Variants in CYP20A1 observed in about 807,000 individuals in gnomAD.
The protein encoded by CYP20A1 is cytochrome P450 20A1.
CYP20A1 carries 61 observed loss-of-function variants against 61.4 expected under a neutral mutation model. The ratio of observed to expected loss-of-function variants is 0.99; its 90% CI spans 0.81 to 1.23. The LOEUF (loss-of-function observed/expected upper bound fraction) is 1.23, where lower values mean the gene tolerates loss of function less well. Among genes scored for constraint, CYP20A1 ranks in the 50% most tolerant of loss-of-function variants. The probability of loss-of-function intolerance (pLI) is 0.00; values close to 1 mark genes in which losing one functional copy is unlikely to be tolerated. For synonymous variants in CYP20A1, 193 were observed against 188.2 expected (o/e 1.03, Z -0.21); for missense variants, 530 against 542.4 (o/e 0.98, Z 0.23).
chr2:203,279,501 G>A (rs896347237), intron 7 of CYP20A1, among the ~76,000 whole-genome samples: 2 of 152,146 alleles, frequency 1.3e-5, no homozygotes, highest in Admixed American at 1.3e-4. Flanking sequence ...TGCATTTGTG[G>A]TATTGTCAGG....
rs577544692 is a variant in CYP20A1, at chr2:203,298,582, T to C, written c.*1674T>C. On this transcript the variant is annotated 3_prime_UTR_variant, in exon 13 of 13. Transcript: ENST00000356079. ...CAGATGTGGTGGTGCACATTTGTAA[T>C]CCCAGCTACTCAGGAGGCTGAGGCA... is the stretch of plus-strand genomic sequence containing the variant. 7.0e-6 allele frequency among the ~76,000 whole-genome samples: 1 copy of C among 141,910 alleles called. No homozygotes were observed. Among genetic ancestry groups the C allele is most frequent in the African/African-American group, 2.6e-5 (1 of 37,790 alleles). The allele number at this position is 141,910 out of a possible 152,430, so 93.1% of individuals were successfully genotyped here. A position where few individuals can be genotyped will look rare whatever the true frequency, so the allele number is the denominator to read the frequency against.
intron 9 of CYP20A1, among the ~76,000 whole-genome samples, chr2:203,289,456 G>A (rs2068438422): frequency 6.6e-6 from 1 of 151,758 alleles, no homozygotes; most frequent in Non-Finnish European, 1.5e-5. Context: ...AAAAATTGTA[G>A]AAACATTATT....
chr2:203,279,608 A>G (rs1371108838), intron 7 of CYP20A1, among the ~76,000 whole-genome samples: 2 of 152,158 alleles, frequency 1.3e-5, no homozygotes, highest in African/African-American at 2.4e-5. Context: ...GTAGTTTGAT[A>G]TATGTTGGTG....
At chr2:203,293,601 G>T (rs1420230560) in intron 11 of CYP20A1, among the ~76,000 whole-genome samples, 1 of 149,974 alleles carries the variant, frequency 6.7e-6, no homozygotes, top group African/African-American at 2.5e-5. Flanking sequence ...TAGGTTTTTG[G>T]GGAACAGGTG....
intron 9 of CYP20A1, 41 bp from the exon 10 acceptor site, chr2:203,289,724 T>C (rs1331694511): frequency 2.6e-6 from 3 of 1,135,118 alleles, no homozygotes; most frequent in Non-Finnish European, 3.8e-6. Context: ...TCTAACTGCC[T>C]CCCAAAATAA....
chr2:203,284,455 T>C (rs992186768), intron 8 of CYP20A1, among the ~76,000 whole-genome samples: 15 of 152,192 alleles, frequency 9.9e-5, no homozygotes, highest in Non-Finnish European at 1.6e-4. Flanking sequence ...TCTGTTTTTT[T>C]CTCAACATGT....
chr2:203,254,854 G>A (rs2066836264), intron 4 of CYP20A1, among the ~76,000 whole-genome samples: 1 of 151,976 alleles, frequency 6.6e-6, no homozygotes, highest in Non-Finnish European at 1.5e-5. Context: ...AGCCGGGCGT[G>A]GTGGCACGTG....
intron 4 of CYP20A1, among the ~76,000 whole-genome samples, chr2:203,264,751 A>G (rs1279317722): frequency 6.6e-6 from 1 of 151,922 alleles, no homozygotes; most frequent in African/African-American, 2.4e-5. Context: ...CGTTTTTTAG[A>G]CGGAGTCTCA....
chr2:203,266,490 T>C (rs1428156368), intron 4 of CYP20A1, 24 bp from the exon 5 acceptor site: 18 of 1,599,454 alleles, frequency 1.1e-5, no homozygotes, highest in Middle Eastern at 1.7e-4. Flanking sequence ...ACAGTAATCA[T>C]TGTGCTTTTC....
In CYP20A1 at chr2:203,298,655, C is replaced by T. The variant is rs556336725; in HGVS notation, c.*1747C>T. On this transcript the variant is annotated 3_prime_UTR_variant, in exon 13 of 13. Coordinates refer to ENST00000356079, the MANE Select transcript of CYP20A1 (RefSeq NM_177538.3). ...GGCAGAGGTTGCAGTGAGCCAAGATCGCACCACTGCACTCCAGCCTGGGTG... is the reference window on the plus strand; with the variant it reads ...GGCAGAGGTTGCAGTGAGCCAAGATTGCACCACTGCACTCCAGCCTGGGTG... Among the ~76,000 whole-genome samples, 449 of 133,242 alleles carry T rather than the reference C, an allele frequency of 3.4e-3. 2 individuals carry two copies. Among genetic ancestry groups the T allele is most frequent in the Non-Finnish European group, 6.3e-3 (389 of 62,086 alleles). 87.4% of individuals were successfully genotyped at this position (133,242 alleles called of 152,430 possible). A position where few individuals can be genotyped will look rare whatever the true frequency, so the allele number is the denominator to read the frequency against.
chr2:203,260,351 T>C (rs950722284), intron 4 of CYP20A1, among the ~76,000 whole-genome samples: 2 of 151,856 alleles, frequency 1.3e-5, no homozygotes, highest in African/African-American at 4.8e-5. Context: ...GCCTCCCAAG[T>C]AGCTGGAAGT....
chr2:203,241,805 C>T (rs2066263778), intron 1 of CYP20A1, among the ~76,000 whole-genome samples: 2 of 152,184 alleles, frequency 1.3e-5, no homozygotes, highest in African/African-American at 4.8e-5. Context: ...GCTGGGACTA[C>T]ATGCTCATGC....
chr2:203,293,707 C>T (rs943585954), intron 11 of CYP20A1, among the ~76,000 whole-genome samples: 1 of 151,880 alleles, frequency 6.6e-6, no homozygotes, highest in African/African-American at 2.4e-5. Flanking sequence ...CCTCATCGCC[C>T]CACCGTTTCC....
intron 3 of CYP20A1, among the ~76,000 whole-genome samples, chr2:203,248,587 G>A (rs541969051): frequency 6.6e-6 from 1 of 152,248 alleles, no homozygotes; most frequent in East Asian, 1.9e-4. Flanking sequence ...ATGTAAAAGA[G>A]TAGAGAGTTC....
At chr2:203,275,847 A>G (rs1022191638) in intron 6 of CYP20A1, among the ~76,000 whole-genome samples, 1 of 152,250 alleles carries the variant, frequency 6.6e-6, no homozygotes, top group African/African-American at 2.4e-5. Flanking sequence ...AGGAACCTAA[A>G]CAAAATTTCT....
chr2:203,244,131 C>T (rs949514956), intron 1 of CYP20A1, among the ~76,000 whole-genome samples: 110 of 152,222 alleles, frequency 7.2e-4, no homozygotes, highest in African/African-American at 2.4e-3. Context: ...CCCCGCCCCC[C>T]GTCTCTTCAC....
chr2:203,293,416 C>G (rs2068629693), intron 11 of CYP20A1, among the ~76,000 whole-genome samples: 1 of 150,642 alleles, frequency 6.6e-6, no homozygotes, highest in South Asian at 2.1e-4. Context: ...AGGGTTTCAC[C>G]ATGTTAGCCA....
At chr2:203,295,734 A>ACGT (rs1011304926) in intron 11 of CYP20A1, among the ~76,000 whole-genome samples, 1 of 151,984 alleles carries the variant, frequency 6.6e-6, no homozygotes, top group African/African-American at 2.4e-5. Flanking sequence ...GATCACGACG[A>ACGT]GGTCAAGAGA....
Position 203,296,934 on chromosome 2 carries a change from T to A in CYP20A1, c.*26T>A. 1 of 1,344,732 alleles carries A rather than the reference T, an allele frequency of 7.4e-7. No homozygotes were observed. Among genetic ancestry groups the A allele is most frequent in the Non-Finnish European group, 1.0e-6 (1 of 978,874 alleles). 83.3% of individuals were successfully genotyped at this position (1,344,732 alleles called of 1,614,324 possible). ...AATTTTATACATTTAAAATCATTGTTAAATTGATTGAGGAAAACAACCATT... is the reference window on the plus strand; with the variant it reads ...AATTTTATACATTTAAAATCATTGTAAAATTGATTGAGGAAAACAACCATT... On this transcript the variant is annotated 3_prime_UTR_variant, in exon 13 of 13. Coordinates refer to ENST00000356079, the MANE Select transcript of CYP20A1 (RefSeq NM_177538.3).
Sources: gnomAD v4.1 joint callset for allele counts (sites outside exome capture counted in the v4.1 genomes callset) on GRCh38, gnomAD v4.1.1 for gene constraint, MANE v1.5 for transcripts, NCBI Gene and HGNC (gene_info 2026-07-23, HGNC 2026-07-21) for gene names.